The following EXOC4 variants were observed in gnomAD, a reference collection of about 807,000 sequenced individuals.
EXOC4 encodes SEC8-like 1.
EXOC4 carries 71 observed loss-of-function variants against 107.2 expected under a neutral mutation model. That is an observed-to-expected ratio of 0.66 (90% CI 0.55 to 0.81). EXOC4 has a LOEUF of 0.81. Ranked by LOEUF, EXOC4 falls within the 30% of genes least tolerant of loss-of-function variation. EXOC4 has a pLI of 0.00. For synonymous variants in EXOC4, 456 were observed against 441.2 expected, an observed-to-expected ratio of 1.03 and a Z score of -0.42; for missense variants, 1,108 against 1,189.6, an observed-to-expected ratio of 0.93 and a Z score of 1.01.
At chr7:133,369,991 A>G (rs1380760185) in intron 6 of EXOC4, among the ~76,000 whole-genome samples, 1 of 151,898 alleles carries the variant, frequency 6.6e-6, no homozygotes, top group Admixed American at 6.6e-5. Context: ...TTTAGTAGAG[A>G]TGGGGTTTCT....
chr7:133,999,941 T>C (rs1376833102), intron 15 of EXOC4, among the ~76,000 whole-genome samples: 1 of 152,206 alleles, frequency 6.6e-6, no homozygotes. Context: ...ATAGCACTGG[T>C]TGCCATATCT....
intron 13 of EXOC4, among the ~76,000 whole-genome samples, chr7:133,920,861 C>T (rs1799922017): frequency 6.6e-6 from 1 of 152,148 alleles, no homozygotes; most frequent in African/African-American, 2.4e-5. Flanking sequence ...CAAATTCCTT[C>T]AGTTCTTATT....
chr7:133,320,074 A>G (rs1795079008), intron 5 of EXOC4, among the ~76,000 whole-genome samples: 1 of 152,130 alleles, frequency 6.6e-6, no homozygotes, highest in Admixed American at 6.5e-5. Context: ...ATAATTGATA[A>G]AAGTTTACAC....
At chr7:133,621,470 T>C (rs1038264895) in intron 9 of EXOC4, among the ~76,000 whole-genome samples, 1 of 152,214 alleles carries the variant, frequency 6.6e-6, no homozygotes, top group African/African-American at 2.4e-5. Context: ...AAACTCCGAT[T>C]AGTTATTTCC....
chr7:133,691,307 A>G (rs1335760759), intron 10 of EXOC4, among the ~76,000 whole-genome samples: 2 of 152,224 alleles, frequency 1.3e-5, no homozygotes, highest in African/African-American at 2.4e-5. Context: ...CAGTCAGCAC[A>G]GAGATGCACA....
chr7:133,520,654 T>A (rs1023575303), intron 9 of EXOC4, among the ~76,000 whole-genome samples: 1 of 152,200 alleles, frequency 6.6e-6, no homozygotes, highest in African/African-American at 2.4e-5. Context: ...TTAGTTTATA[T>A]GAATCAATTA....
intron 14 of EXOC4, among the ~76,000 whole-genome samples, chr7:133,957,797 T>C (rs190960757): frequency 3.3e-5 from 5 of 152,292 alleles, no homozygotes; most frequent in African/African-American, 1.2e-4. Context: ...ATAGTGAAAA[T>C]AGCTATTAAC....
intron 1 of EXOC4, among the ~76,000 whole-genome samples, chr7:133,273,684 C>T (rs116532152): frequency 0.012 from 1,829 of 152,260 alleles, 30 homozygotes; most frequent in African/African-American, 0.041. Flanking sequence ...TACTGTGTGG[C>T]TCATGAATTA....
chr7:133,546,422 AT>A (rs1800483704), intron 9 of EXOC4, among the ~76,000 whole-genome samples: 1 of 151,588 alleles, frequency 6.6e-6, no homozygotes, highest in Non-Finnish European at 1.5e-5. Flanking sequence ...TACCCAGCTA[AT>A]TTTTGTATTT....
intron 5 of EXOC4, among the ~76,000 whole-genome samples, chr7:133,341,867 C>G (rs1246283521): frequency 1.3e-5 from 2 of 152,018 alleles, no homozygotes; most frequent in Non-Finnish European, 2.9e-5. Flanking sequence ...CTCACATTTC[C>G]TGTCCACATG....
intron 13 of EXOC4, among the ~76,000 whole-genome samples, chr7:133,924,621 G>A (rs1800011211): frequency 6.6e-6 from 1 of 152,148 alleles, no homozygotes; most frequent in South Asian, 2.1e-4. Flanking sequence ...GAAGCAAAGT[G>A]TAATCTTAAG....
At chr7:134,008,725 C>T (rs894303861) in intron 17 of EXOC4, among the ~76,000 whole-genome samples, 1 of 152,016 alleles carries the variant, frequency 6.6e-6, no homozygotes, top group Non-Finnish European at 1.5e-5. Context: ...TCACTATAGC[C>T]TTGAATTCCT....
chr7:133,547,267 C>A (rs1184465436), intron 9 of EXOC4, among the ~76,000 whole-genome samples: 3 of 152,114 alleles, frequency 2.0e-5, no homozygotes. Context: ...GTCTGAAAAA[C>A]AAAATATATA....
At chr7:133,603,867 C>T (rs1801869242) in intron 9 of EXOC4, among the ~76,000 whole-genome samples, 1 of 152,102 alleles carries the variant, frequency 6.6e-6, no homozygotes, top group South Asian at 2.1e-4. Context: ...CTTACTGTAA[C>T]TTTTTTCCTT....
intron 11 of EXOC4, among the ~76,000 whole-genome samples, chr7:133,876,264 T>C (rs977970719): frequency 5.3e-5 from 8 of 150,594 alleles, no homozygotes; most frequent in Admixed American, 2.0e-4. Flanking sequence ...GTGTAGACTG[T>C]AGAGCAGGGA....
chr7:133,814,224 G>A (rs949589663), intron 10 of EXOC4, among the ~76,000 whole-genome samples: 10 of 151,796 alleles, frequency 6.6e-5, no homozygotes, highest in African/African-American at 2.4e-4. Context: ...TAAACAAATG[G>A]GTATATAATT....
intron 7 of EXOC4, among the ~76,000 whole-genome samples, chr7:133,411,797 G>A (rs552797203): frequency 2.3e-4 from 35 of 152,188 alleles, no homozygotes; most frequent in African/African-American, 8.2e-4. Context: ...CAGATTATGG[G>A]AGATTTATCT....
At chr7:133,765,068 G>A (rs953496657) in intron 10 of EXOC4, among the ~76,000 whole-genome samples, 4 of 152,048 alleles carry the variant, frequency 2.6e-5, no homozygotes, top group African/African-American at 9.7e-5. Flanking sequence ...GTCCTACATA[G>A]AGGTAGATAG....
In EXOC4 at chr7:133,305,886, G is replaced by A. The variant is rs146409877; in HGVS notation, c.481G>A (p.Val161Ile). The A allele has an allele frequency of 4.4e-6, 7 of 1,604,116 alleles. No individual in the cohort carries two copies. The South Asian group carries it at 4.5e-5, about 10-fold the overall frequency. ...LSATDMLVSA[V>I]ESLEGPLLQV... ...TTTTTTCTCTTTTCAGGTGTCAGCA[G>A]TTGAGTCTTTGGAGGGCCCCCTGCT... Residue 161 changes from valine (V) to isoleucine (I), a missense_variant, in exon 4 of 18, where the codon GTT becomes ATT. Coordinates refer to ENST00000253861, the MANE Select transcript of EXOC4 (RefSeq NM_021807.4).
Sources: allele counts gnomAD v4.1 joint callset (sites outside exome capture counted in the v4.1 genomes callset), GRCh38; gene constraint gnomAD v4.1.1; transcripts MANE v1.5; gene names NCBI Gene and HGNC (gene_info 2026-07-23, HGNC 2026-07-21).